GKAP1: variants seen among roughly 807,000 people sequenced by gnomAD.
GKAP1 encodes the protein G kinase anchoring protein 1.
GKAP1 carries 31 observed loss-of-function variants against 56.7 expected under a neutral mutation model. The ratio of observed to expected loss-of-function variants is 0.55; its 90% CI spans 0.41 to 0.74. GKAP1 has a LOEUF of 0.74. Among genes scored for constraint, GKAP1 ranks in the 30% least tolerant of loss-of-function variants. The pLI is 0.00. For missense variants in GKAP1, 364 were observed against 402.3 expected (o/e 0.90, Z 0.82); for synonymous variants, 151 against 138.6 (o/e 1.09, Z -0.63).
intron 2 of GKAP1, among the ~76,000 whole-genome samples, chr9:83,812,107 T>C (rs1313023411): frequency 6.6e-6 from 1 of 151,740 alleles, no homozygotes; most frequent in Non-Finnish European, 1.5e-5. Context: ...AAGAAATGCA[T>C]GGGATTACTC....
At position 83,742,562 on chromosome 9, in the gene GKAP1, A is replaced by T; in HGVS notation, c.943T>A (p.Ser315Thr). ...GTGAGCTCATTCTTGATACTTTGTGATTCATCAACTTGCAGAAGTATTTCT... is the reference window on the plus strand; with the variant it reads ...GTGAGCTCATTCTTGATACTTTGTGTTTCATCAACTTGCAGAAGTATTTCT... ...KAEILLQVDE[S>T]QSIKNELTIQ... Residue 315 changes from serine (S) to threonine (T), a missense_variant, in exon 11 of 13, where the codon TCA becomes ACA. Coordinates refer to ENST00000376371, the MANE Select transcript of GKAP1 (RefSeq NM_025211.4). The T allele has an allele frequency of 6.2e-7, 1 of 1,612,700 alleles. No homozygotes were observed. Among genetic ancestry groups the T allele is most frequent in the Non-Finnish European group, 8.5e-7 (1 of 1,179,468 alleles).
Position 83,775,311 on chromosome 9 carries a change from G to C in GKAP1, c.585+5071C>G, listed in dbSNP as rs186400357. Among the ~76,000 whole-genome samples the C allele has an allele frequency of 5.3e-3, 806 of 152,144 alleles. 5 individuals carry two copies. Among genetic ancestry groups the C allele is most frequent in the Non-Finnish European group, 7.7e-3 (524 of 67,994 alleles). ...CGCCAGCCACCATGCCTGGCTCTGG[G>C]CTCGTCTTGTATATTCCCTGTCATC... On this transcript the variant is annotated intron_variant, in intron 7 of 12. Transcript: ENST00000376371.
At chr9:83,788,925 T>C (rs1442295453) in intron 4 of GKAP1, 2 of 279,872 alleles carry the variant, frequency 7.1e-6, no homozygotes, top group African/African-American at 4.3e-5. Flanking sequence ...TATGATATAA[T>C]CTTACTTTTT....
intron 12 of GKAP1, among the ~76,000 whole-genome samples, chr9:83,741,203 TTTC>T (rs1943200644): frequency 6.6e-6 from 1 of 152,148 alleles, no homozygotes; most frequent in African/African-American, 2.4e-5. Context: ...GGGAATTCTC[TTTC>T]TAGGACTGAT....
intron 5 of GKAP1, among the ~76,000 whole-genome samples, chr9:83,788,045 AGGTG>A (rs1944093358): frequency 6.6e-6 from 1 of 152,224 alleles, no homozygotes; most frequent in African/African-American, 2.4e-5. Flanking sequence ...TGGGAGGCCA[AGGTG>A]GGTGGATCAG....
Position 83,799,337 on chromosome 9 carries a change from C to A in GKAP1, c.217-9G>T, listed in dbSNP as rs1229037434. ...AAAGCAAGATTCCTGAGCTATAAAA[C>A]AAACAAAAAATATATTAAATTCAGT... On this transcript the variant is annotated splice_polypyrimidine_tract_variant and intron_variant, in intron 3 of 12. Coordinates refer to ENST00000376371, the MANE Select transcript of GKAP1 (RefSeq NM_025211.4). The A allele has an allele frequency of 1.9e-6, 3 of 1,557,458 alleles. No homozygotes were observed. Among genetic ancestry groups the A allele is most frequent in the Middle Eastern group, 1.7e-4 (1 of 5,928 alleles).
At chr9:83,758,894 T>A (rs1340948754) in intron 8 of GKAP1, among the ~76,000 whole-genome samples, 1 of 152,184 alleles carries the variant, frequency 6.6e-6, no homozygotes, top group East Asian at 1.9e-4. Context: ...AGGAGCACAT[T>A]GGATAGAGGA....
At position 83,741,937 on chromosome 9, in the gene GKAP1, A is replaced by G; in HGVS notation, c.1053+15T>C. ...TTATTTGTGATAAAAACACTTATAAATTATAAAAGCATACCTGGTATTTGG... is the reference window on the plus strand; with the variant it reads ...TTATTTGTGATAAAAACACTTATAAGTTATAAAAGCATACCTGGTATTTGG... On this transcript the variant is annotated intron_variant, in intron 12 of 12. Coordinates refer to ENST00000376371, the MANE Select transcript of GKAP1 (RefSeq NM_025211.4). The G allele has an allele frequency of 6.8e-7, 1 of 1,466,780 alleles. No homozygotes were observed. Among genetic ancestry groups the G allele is most frequent in the South Asian group, 1.2e-5 (1 of 84,620 alleles). 90.9% of individuals were successfully genotyped at this position (1,466,780 alleles called of 1,614,324 possible). A position where few individuals can be genotyped will look rare whatever the true frequency, so the allele number is the denominator to read the frequency against.
At chr9:83,790,647 AAC>A (rs1491172140) in intron 4 of GKAP1, among the ~76,000 whole-genome samples, 2 of 132,808 alleles carry the variant, frequency 1.5e-5, no homozygotes, top group African/African-American at 2.5e-5. Flanking sequence ...AAAACAAAAA[AAC>A]AAACAAACAA....
intron 9 of GKAP1, among the ~76,000 whole-genome samples, chr9:83,750,980 C>T (rs1943379763): frequency 2.6e-5 from 4 of 152,084 alleles, no homozygotes; most frequent in Admixed American, 6.6e-5. Flanking sequence ...GGACTACAGG[C>T]GCGTGCCACC....
At chr9:83,748,961 T>C (rs908123356) in intron 9 of GKAP1, 1 of 152,216 alleles carries the variant, frequency 6.6e-6, no homozygotes. Context: ...TCACTAATCG[T>C]TTGTTATTTC....
At chr9:83,791,463 G>A (rs1205362102) in intron 4 of GKAP1, among the ~76,000 whole-genome samples, 2 of 151,848 alleles carry the variant, frequency 1.3e-5, no homozygotes, top group African/African-American at 4.8e-5. Flanking sequence ...GGCCCTCCCA[G>A]CAACTGATTC....
chr9:83,739,771 A>T (rs1278322228), intron 12 of GKAP1, 27 bp from the exon 13 acceptor site: 4 of 1,567,002 alleles, frequency 2.6e-6, no homozygotes, highest in Non-Finnish European at 3.5e-6. Context: ...AAATAGGGAA[A>T]ATTATTTACA....
At chr9:83,790,722 A>G (rs1240129744) in intron 4 of GKAP1, among the ~76,000 whole-genome samples, 1 of 152,062 alleles carries the variant, frequency 6.6e-6, no homozygotes, top group Non-Finnish European at 1.5e-5. Context: ...CTGAGGCAGG[A>G]GTATCGCTTA....
chr9:83,767,967 G>A (rs778059040), intron 8 of GKAP1, among the ~76,000 whole-genome samples: 1 of 152,162 alleles, frequency 6.6e-6, no homozygotes, highest in Non-Finnish European at 1.5e-5. Flanking sequence ...GATTACAGAC[G>A]TGAGCTACCG....
In GKAP1 at chr9:83,785,016, T is replaced by A. The variant is rs142052489; in HGVS notation, c.439-178A>T. 1.4e-4 allele frequency among the ~76,000 whole-genome samples: 22 copies of A among 152,278 alleles called. 1 individual carries two copies. The East Asian group carries it at 4.2e-3, about 29-fold the overall frequency. On this transcript the variant is annotated intron_variant, in intron 5 of 12. Transcript: ENST00000376371. Reference sequence around the variant, plus strand: ...CTCTTTATTCATTTACTCAATCCCTTACATCTTAAACATTAAAATGAAAAC... The same window carrying A: ...CTCTTTATTCATTTACTCAATCCCTAACATCTTAAACATTAAAATGAAAAC...
At chr9:83,766,500 A>G (rs1943666070) in intron 8 of GKAP1, among the ~76,000 whole-genome samples, 1 of 152,234 alleles carries the variant, frequency 6.6e-6, no homozygotes, top group Non-Finnish European at 1.5e-5. Flanking sequence ...TTCCATAAGA[A>G]ACAGTGTTAT....
intron 8 of GKAP1, among the ~76,000 whole-genome samples, chr9:83,757,149 C>T (rs1587696772): frequency 6.6e-6 from 1 of 151,890 alleles, no homozygotes; most frequent in African/African-American, 2.4e-5. Flanking sequence ...TTCCGTGTCT[C>T]GGGTTTGGGG....
At chr9:83,764,653 G>A (rs541790553) in intron 8 of GKAP1, among the ~76,000 whole-genome samples, 1 of 152,218 alleles carries the variant, frequency 6.6e-6, no homozygotes, top group East Asian at 1.9e-4. Context: ...GAACTTCCTA[G>A]AGACTTGTTG....
Sources: gnomAD v4.1 joint callset for allele counts (sites outside exome capture counted in the v4.1 genomes callset) on GRCh38, gnomAD v4.1.1 for gene constraint, MANE v1.5 for transcripts, NCBI Gene and HGNC (gene_info 2026-07-23, HGNC 2026-07-21) for gene names.